Variants in CNTN5 observed in about 807,000 individuals in gnomAD.
CNTN5 encodes the protein contactin-5.
Under a neutral mutation model 129.1 loss-of-function variants are expected in CNTN5, and 77 were observed. That is an observed-to-expected ratio of 0.60 (90% CI 0.50 to 0.72). The LOEUF is 0.72. Ranked by LOEUF, CNTN5 falls within the 30% of genes least tolerant of loss-of-function variation. The probability of loss-of-function intolerance (pLI) is 0.00; values close to 1 mark genes in which losing one functional copy is unlikely to be tolerated. For synonymous variants in CNTN5, 509 were observed against 465.6 expected (o/e 1.09, Z -1.20); for missense variants, 1,478 against 1,328.8 (o/e 1.11, Z -1.75).
At chr11:99,479,335 C>T (rs1379069938) in intron 2 of CNTN5, among the ~76,000 whole-genome samples, 1 of 151,246 alleles carries the variant, frequency 6.6e-6, no homozygotes, top group Non-Finnish European at 1.5e-5. Context: ...AATTTTACTG[C>T]TATCCATTTA....
chr11:99,644,548 TCA>T (rs1219830778), intron 3 of CNTN5, among the ~76,000 whole-genome samples: 3 of 152,168 alleles, frequency 2.0e-5, no homozygotes, highest in African/African-American at 7.2e-5. Context: ...TAAAATTTTT[TCA>T]CAGATTCCCA....
chr11:100,143,823 C>A (rs1367666346), intron 13 of CNTN5, among the ~76,000 whole-genome samples: 1 of 152,062 alleles, frequency 6.6e-6, no homozygotes, highest in Non-Finnish European at 1.5e-5. Context: ...CAGAGGGATG[C>A]TAGCAGAAGG....
chr11:99,150,030 TAAAA>T (rs552451639), intron 1 of CNTN5, among the ~76,000 whole-genome samples: 1 of 151,758 alleles, frequency 6.6e-6, no homozygotes, highest in African/African-American at 2.4e-5. Context: ...AATGAACAAA[TAAAA>T]AAAAGATAAT....
At chr11:99,244,033 G>C (rs1861699411) in intron 1 of CNTN5, among the ~76,000 whole-genome samples, 1 of 152,064 alleles carries the variant, frequency 6.6e-6, no homozygotes, top group Non-Finnish European at 1.5e-5. Context: ...GAATATCATT[G>C]AATCTGTAGA....
At chr11:99,270,191 T>C (rs551270359) in intron 1 of CNTN5, among the ~76,000 whole-genome samples, 1 of 152,018 alleles carries the variant, frequency 6.6e-6, no homozygotes, top group African/African-American at 2.4e-5. Context: ...AGTTATGAGA[T>C]AAAATGTTAT....
At chr11:99,442,530 T>G (rs558126157) in intron 2 of CNTN5, among the ~76,000 whole-genome samples, 1 of 152,246 alleles carries the variant, frequency 6.6e-6, no homozygotes, top group African/African-American at 2.4e-5. Flanking sequence ...TTGTGGAAAT[T>G]ATGGGGACAG....
intron 13 of CNTN5, among the ~76,000 whole-genome samples, chr11:100,155,365 G>A (rs1947203290): frequency 1.3e-5 from 2 of 152,024 alleles, no homozygotes; most frequent in Non-Finnish European, 2.9e-5. Flanking sequence ...CCTCTCTTCT[G>A]TTCCATTGGT....
chr11:100,021,301 G>C (rs1039811300), intron 9 of CNTN5, among the ~76,000 whole-genome samples: 3 of 152,100 alleles, frequency 2.0e-5, no homozygotes, highest in Non-Finnish European at 4.4e-5. Context: ...TTAGTGAGTG[G>C]ACTAGTCTAC....
intron 2 of CNTN5, among the ~76,000 whole-genome samples, chr11:99,371,644 T>C (rs558350049): frequency 1.4e-4 from 21 of 152,280 alleles, no homozygotes; most frequent in Middle Eastern, 6.8e-3. Context: ...AAAATATTAC[T>C]CTGCTTACAG....
intron 8 of CNTN5, among the ~76,000 whole-genome samples, chr11:99,987,044 C>A (rs1170187855): frequency 2.0e-5 from 3 of 151,748 alleles, no homozygotes; most frequent in Non-Finnish European, 2.9e-5. Flanking sequence ...TTTCATAATT[C>A]CAGATTAGAA....
At chr11:99,123,707 T>G (rs1036093732) in intron 1 of CNTN5, among the ~76,000 whole-genome samples, 1 of 151,858 alleles carries the variant, frequency 6.6e-6, no homozygotes, top group Non-Finnish European at 1.5e-5. Context: ...TTAATTTCTC[T>G]TGAGTTGATT....
At chr11:100,047,233 G>C (rs554336492) in intron 9 of CNTN5, among the ~76,000 whole-genome samples, 12 of 136,862 alleles carry the variant, frequency 8.8e-5, no homozygotes, top group African/African-American at 3.1e-4. Context: ...TCAAACTCCA[G>C]TTAACCACAT....
intron 1 of CNTN5, among the ~76,000 whole-genome samples, chr11:99,091,937 T>C (rs1866269744): frequency 6.6e-6 from 1 of 152,176 alleles, no homozygotes; most frequent in Non-Finnish European, 1.5e-5. Flanking sequence ...TCTTCAAGAT[T>C]GGAGGAATGC....
chr11:100,150,432 AT>A (rs1947015369), intron 13 of CNTN5, among the ~76,000 whole-genome samples: 1 of 151,996 alleles, frequency 6.6e-6, no homozygotes, highest in African/African-American at 2.4e-5. Context: ...GTATGGCCAT[AT>A]GTTCAATTTT....
chr11:100,224,820 T>C lies in CNTN5; in HGVS notation c.2005+8T>C, dbSNP rs1949338495. ...CAGAACTTCTTGTTAGGGGTGAGTA[T>C]GCTAATAGTGCAGTCTGAAGACATG... is the stretch of plus-strand genomic sequence containing the variant. On this transcript the variant is annotated splice_region_variant and intron_variant, in intron 16 of 24. Coordinates refer to ENST00000524871, the MANE Select transcript of CNTN5 (RefSeq NM_014361.4). 1.9e-6 allele frequency: 3 copies of C among 1,612,344 alleles called. No homozygotes were observed. Among genetic ancestry groups the C allele is most frequent in the Non-Finnish European group, 2.5e-6 (3 of 1,178,764 alleles).
chr11:100,231,094 C>T (rs948040976), intron 16 of CNTN5, among the ~76,000 whole-genome samples: 36 of 152,030 alleles, frequency 2.4e-4, no homozygotes, highest in Admixed American at 7.9e-4. Context: ...TTCTAGAGTG[C>T]GAGAGGGAGA....
chr11:99,815,429 T>C (rs772967622), intron 3 of CNTN5, among the ~76,000 whole-genome samples: 19 of 152,120 alleles, frequency 1.2e-4, no homozygotes, highest in Non-Finnish European at 2.5e-4. Flanking sequence ...GGGCACCAAG[T>C]TGGAGAGTTA....
At chr11:99,315,631 A>G (rs1236895014) in intron 1 of CNTN5, among the ~76,000 whole-genome samples, 2 of 149,632 alleles carry the variant, frequency 1.3e-5, no homozygotes, top group East Asian at 3.9e-4. Flanking sequence ...CCAAGAATGC[A>G]TAGGAAAAAA....
rs535425914 is a variant in CNTN5 at position 99,181,514 on chromosome 11, T to C, written c.-209-143832T>C. ...ATTCCTGGGGGCCTCCCGCGGCAACTCCACACATAGCCAGTACCGACTGCA... is the reference window on the plus strand; with the variant it reads ...ATTCCTGGGGGCCTCCCGCGGCAACCCCACACATAGCCAGTACCGACTGCA... On this transcript the variant is annotated intron_variant, in intron 1 of 24. Coordinates refer to ENST00000524871, the MANE Select transcript of CNTN5 (RefSeq NM_014361.4). 7.2e-5 allele frequency among the ~76,000 whole-genome samples: 11 copies of C among 152,232 alleles called. No individual in the cohort carries two copies. The East Asian group carries it at 1.7e-3, about 24-fold the overall frequency.
Sources: gnomAD v4.1 joint callset for allele counts (sites outside exome capture counted in the v4.1 genomes callset) on GRCh38, gnomAD v4.1.1 for gene constraint, MANE v1.5 for transcripts, NCBI Gene and HGNC (gene_info 2026-07-23, HGNC 2026-07-21) for gene names.